Variants in CDKAL1 observed in about 807,000 individuals in gnomAD.
CDKAL1 encodes threonylcarbamoyladenosine tRNA methylthiotransferase.
A neutral mutation model predicts 68.2 loss-of-function variants in CDKAL1; 32 were observed. The ratio of observed to expected loss-of-function variants is 0.47; its 90% CI spans 0.35 to 0.63. The LOEUF (loss-of-function observed/expected upper bound fraction) is 0.63, where lower values mean the gene tolerates loss of function less well. Ranked by LOEUF, CDKAL1 falls within the 30% of genes least tolerant of loss-of-function variation. CDKAL1 has a pLI of 0.00. For synonymous variants in CDKAL1, 234 were observed against 244.3 expected, an observed-to-expected ratio of 0.96 and a Z score of 0.39; for missense variants, 606 against 696.7, an observed-to-expected ratio of 0.87 and a Z score of 1.47.
intron 11 of CDKAL1, among the ~76,000 whole-genome samples, chr6:21,057,043 A>T (rs1770874631): frequency 2.0e-5 from 3 of 152,310 alleles, no homozygotes; most frequent in African/African-American, 7.2e-5. Flanking sequence ...TCATAAAATG[A>T]GTTAGGGAGG....
At chr6:20,943,359 GA>G (rs1764087046) in intron 9 of CDKAL1, among the ~76,000 whole-genome samples, 5 of 138,496 alleles carry the variant, frequency 3.6e-5, no homozygotes, top group African/African-American at 1.4e-4. Flanking sequence ...AAGAAAAAAA[GA>G]AAAAAAAAGT....
At chr6:21,056,644 A>G (rs527917548) in intron 11 of CDKAL1, among the ~76,000 whole-genome samples, 3 of 152,194 alleles carry the variant, frequency 2.0e-5, no homozygotes, top group Admixed American at 1.3e-4. Context: ...ATTCAGTATG[A>G]TATTGGCTGT....
intron 4 of CDKAL1, among the ~76,000 whole-genome samples, chr6:20,586,646 A>G (rs948288659): frequency 1.3e-5 from 2 of 152,192 alleles, no homozygotes; most frequent in Non-Finnish European, 2.9e-5. Flanking sequence ...CAAAACAAAC[A>G]TAAAAAAAGG....
At chr6:21,100,024 T>C (rs979572597) in intron 12 of CDKAL1, among the ~76,000 whole-genome samples, 5 of 152,200 alleles carry the variant, frequency 3.3e-5, no homozygotes, top group African/African-American at 1.2e-4. Context: ...CATCACTGAA[T>C]TAACACAGAA....
At chr6:21,010,119 G>T (rs1252216900) in intron 11 of CDKAL1, among the ~76,000 whole-genome samples, 2 of 152,136 alleles carry the variant, frequency 1.3e-5, no homozygotes, top group African/African-American at 2.4e-5. Context: ...AATATGCATA[G>T]TATTACGTAT....
At chr6:21,057,820 C>T (rs1447603393) in intron 11 of CDKAL1, among the ~76,000 whole-genome samples, 22 of 152,086 alleles carry the variant, frequency 1.4e-4, no homozygotes, top group Non-Finnish European at 3.2e-4. Flanking sequence ...AGTTGTGTGG[C>T]TTTAAGTGAG....
chr6:20,957,968 CAAAAAAAAAAA>C (rs60301451), intron 10 of CDKAL1, among the ~76,000 whole-genome samples: 4 of 67,432 alleles, frequency 5.9e-5, no homozygotes, highest in South Asian at 5.7e-4. Flanking sequence ...AAGATTATCT[CAAAAAAAAAAA>C]AAAAAAAAAA....
chr6:20,998,186 G>A (rs951721512), intron 10 of CDKAL1, among the ~76,000 whole-genome samples: 53 of 152,248 alleles, frequency 3.5e-4, no homozygotes, highest in African/African-American at 1.2e-3. Flanking sequence ...ATTTGGGGGG[G>A]ATTTTGATGT....
At chr6:21,203,800 G>A (rs1018616556) in intron 15 of CDKAL1, among the ~76,000 whole-genome samples, 43 of 145,278 alleles carry the variant, frequency 3.0e-4, no homozygotes, top group Non-Finnish European at 4.6e-4. Context: ...AGGTTCAAGC[G>A]ATTCTCCTGC....
chr6:20,984,126 C>A (rs1022779585), intron 10 of CDKAL1, among the ~76,000 whole-genome samples: 1 of 152,216 alleles, frequency 6.6e-6, no homozygotes, highest in Non-Finnish European at 1.5e-5. Context: ...AGCACATTGT[C>A]TAGCACATAC....
At chr6:21,025,013 C>G (rs1455653082) in intron 11 of CDKAL1, among the ~76,000 whole-genome samples, 9 of 152,164 alleles carry the variant, frequency 5.9e-5, no homozygotes, top group Non-Finnish European at 1.3e-4. Context: ...TAGCAGAAAA[C>G]TTGATATTGT....
At chr6:20,784,852 CATTA>C (rs1379671151) in intron 8 of CDKAL1, among the ~76,000 whole-genome samples, 2 of 151,962 alleles carry the variant, frequency 1.3e-5, no homozygotes, top group African/African-American at 2.4e-5. Flanking sequence ...TGTTGCTGTA[CATTA>C]ATTAAAAATT....
chr6:21,112,028 C>T (rs1774142404), intron 13 of CDKAL1, among the ~76,000 whole-genome samples: 1 of 151,860 alleles, frequency 6.6e-6, no homozygotes, highest in South Asian at 2.1e-4. Context: ...GGTTACAGGG[C>T]CAGAGAGCTT....
At chr6:20,942,275 C>T (rs1387719772) in intron 9 of CDKAL1, among the ~76,000 whole-genome samples, 1 of 151,732 alleles carries the variant, frequency 6.6e-6, no homozygotes, top group Non-Finnish European at 1.5e-5. Context: ...TTTCCATTTC[C>T]TCTTCTTGTC....
intron 11 of CDKAL1, among the ~76,000 whole-genome samples, chr6:21,001,599 G>A (rs1356237404): frequency 6.6e-6 from 1 of 152,118 alleles, no homozygotes; most frequent in Admixed American, 6.5e-5. Context: ...AGTGGAAAAT[G>A]GAAAATAGAT....
intron 12 of CDKAL1, among the ~76,000 whole-genome samples, chr6:21,091,909 C>A (rs1773034252): frequency 3.3e-5 from 3 of 91,332 alleles, no homozygotes; most frequent in East Asian, 2.8e-4. Flanking sequence ...TTTTTTGAGA[C>A]GGAGGCTCGC....
intron 9 of CDKAL1, among the ~76,000 whole-genome samples, chr6:20,884,289 G>GA (rs1424009135): frequency 6.9e-6 from 1 of 145,850 alleles, no homozygotes; most frequent in East Asian, 2.0e-4. Flanking sequence ...GAGGTTGATG[G>GA]AAAAAACAAA....
At chr6:20,895,128 A>C (rs994615080) in intron 9 of CDKAL1, among the ~76,000 whole-genome samples, 2 of 152,118 alleles carry the variant, frequency 1.3e-5, no homozygotes, top group African/African-American at 4.8e-5. Context: ...ATACTCTCAA[A>C]TATTTTGCAG....
chr6:21,217,560 C>T (rs777213638), intron 15 of CDKAL1, among the ~76,000 whole-genome samples: 12 of 151,904 alleles, frequency 7.9e-5, no homozygotes, highest in Non-Finnish European at 1.6e-4. Flanking sequence ...TGCAATAACA[C>T]GATCTCGGCT....
Sources: allele counts gnomAD v4.1 joint callset (sites outside exome capture counted in the v4.1 genomes callset), GRCh38; gene constraint gnomAD v4.1.1; transcripts MANE v1.5; gene names NCBI Gene and HGNC (gene_info 2026-07-23, HGNC 2026-07-21).